GRK5: variants seen among roughly 807,000 people sequenced by gnomAD.
GRK5 encodes g protein-coupled receptor kinase GRK5.
In GRK5, 40 loss-of-function variants were observed where a neutral mutation model predicts 78.4. The ratio of observed to expected loss-of-function variants is 0.51; its 90% CI spans 0.40 to 0.66. The LOEUF is 0.66. Ranked by LOEUF, GRK5 falls within the 30% of genes least tolerant of loss-of-function variation. The pLI is 0.00. For missense variants in GRK5, 598 were observed against 759.9 expected (o/e 0.79, Z 2.50); for synonymous variants, 289 against 296.8 (o/e 0.97, Z 0.27).
At chr10:119,331,206 C>G (rs1011926133) in intron 2 of GRK5, among the ~76,000 whole-genome samples, 1 of 152,232 alleles carries the variant, frequency 6.6e-6, no homozygotes, top group African/African-American at 2.4e-5. Flanking sequence ...GCCCACTCCC[C>G]TGGGATGGTG....
At chr10:119,286,353 T>G (rs4752272) in intron 1 of GRK5, among the ~76,000 whole-genome samples, 151,761 of 152,384 alleles carry the variant, frequency 1, 75,573 homozygotes, top group Non-Finnish European at 1. Context: ...ACAAGTTGGC[T>G]CAAAATCTGC....
At chr10:119,339,271 C>T (rs1410350871) in intron 2 of GRK5, among the ~76,000 whole-genome samples, 1 of 152,200 alleles carries the variant, frequency 6.6e-6, no homozygotes, top group Non-Finnish European at 1.5e-5. Context: ...GACCTCAAGC[C>T]AACACAAGAG....
intron 2 of GRK5, among the ~76,000 whole-genome samples, chr10:119,347,987 C>T (rs1288981799): frequency 6.6e-6 from 1 of 152,180 alleles, no homozygotes; most frequent in African/African-American, 2.4e-5. Flanking sequence ...GCAGAGTGAC[C>T]TCCCATAAGT....
chr10:119,334,581 G>T (rs766945014), intron 2 of GRK5: 4 of 152,208 alleles, frequency 2.6e-5, no homozygotes, highest in Admixed American at 1.3e-4. Flanking sequence ...TCATCACGAA[G>T]ATAAAAGATT....
In GRK5 at chr10:119,453,291, C is replaced by A; in HGVS notation, c.1674+15C>A. 1 of 1,613,528 alleles carries A rather than the reference C, an allele frequency of 6.2e-7. No individual in the cohort carries two copies. The highest frequency in any genetic ancestry group is 8.5e-7 in the Non-Finnish European group (1 of 1,179,882). ...TCAAGCGGCAGGTGAGACACCCATG[C>A]CTGGCCAGTCCTGGCATCAGCTCCG... On this transcript the variant is annotated intron_variant, in intron 15 of 15. Transcript: ENST00000392870.
rs930795361 is a variant in GRK5, at chr10:119,457,179, T to C, written c.*2112T>C. ...TCAATGAAAAGAAGGACCATCATCC[T>C]AGGATGGTCACCAGCCCAAGCCACC... On this transcript the variant is annotated 3_prime_UTR_variant, in exon 16 of 16. Transcript: ENST00000392870. 1 of 152,150 alleles carries C rather than the reference T, an allele frequency of 6.6e-6. No homozygotes were observed. The highest frequency in any genetic ancestry group is 2.4e-5 in the African/African-American group (1 of 41,408). 9.4% of individuals were successfully genotyped at this position (152,150 alleles called of 1,614,324 possible).
intron 1 of GRK5, among the ~76,000 whole-genome samples, chr10:119,215,310 G>A (rs538293465): frequency 6.6e-6 from 1 of 152,256 alleles, no homozygotes; most frequent in South Asian, 2.1e-4. Flanking sequence ...AGCTCATCGG[G>A]ACAGAGCTTC....
intron 1 of GRK5, among the ~76,000 whole-genome samples, chr10:119,243,824 G>A (rs1248995167): frequency 6.6e-6 from 1 of 152,190 alleles, no homozygotes; most frequent in Non-Finnish European, 1.5e-5. Flanking sequence ...GTGTGAGCAC[G>A]AGGCACCCCT....
intron 2 of GRK5, among the ~76,000 whole-genome samples, chr10:119,369,078 G>A (rs1851501456): frequency 6.6e-6 from 1 of 152,174 alleles, no homozygotes; most frequent in Admixed American, 6.5e-5. Flanking sequence ...AGGTGGTGGG[G>A]ATAAAATGGT....
intron 10 of GRK5, among the ~76,000 whole-genome samples, 173 bp downstream of exon 10, chr10:119,439,941 C>G (rs1853000039): frequency 1.3e-5 from 2 of 152,156 alleles, no homozygotes; most frequent in African/African-American, 4.8e-5. Flanking sequence ...CAGAGCTCCG[C>G]TTGGTGAACA....
intron 1 of GRK5, among the ~76,000 whole-genome samples, chr10:119,256,674 A>G (rs928210999): frequency 6.8e-6 from 1 of 148,096 alleles, no homozygotes; most frequent in African/African-American, 2.5e-5. Context: ...TGAGGTCGTG[A>G]CTGTGTCTCT....
At chr10:119,396,209 G>T (rs1444086328) in intron 3 of GRK5, among the ~76,000 whole-genome samples, 11 of 152,246 alleles carry the variant, frequency 7.2e-5, no homozygotes, top group Admixed American at 7.2e-4. Context: ...TTATAGAAGG[G>T]TTAAGCAAAT....
chr10:119,311,342 G>C (rs1850356200), intron 1 of GRK5, among the ~76,000 whole-genome samples: 1 of 152,166 alleles, frequency 6.6e-6, no homozygotes, highest in African/African-American at 2.4e-5. Context: ...ACAGAGCCTG[G>C]CAGGAAGCAA....
intron 2 of GRK5, among the ~76,000 whole-genome samples, chr10:119,377,466 C>T (rs547624991): frequency 6.6e-6 from 1 of 152,306 alleles, no homozygotes; most frequent in South Asian, 2.1e-4. Flanking sequence ...TGTGTGCTTG[C>T]TCAGAAAATG....
At chr10:119,433,928 G>A (rs1852870158) in intron 8 of GRK5, among the ~76,000 whole-genome samples, 1 of 152,214 alleles carries the variant, frequency 6.6e-6, no homozygotes, top group Admixed American at 6.5e-5. Flanking sequence ...AAAAGAAAGA[G>A]GTTTGATGGA....
At chr10:119,426,010 C>T (rs11198919) in intron 6 of GRK5, among the ~76,000 whole-genome samples, 11,736 of 152,278 alleles carry the variant, frequency 0.077, 673 homozygotes, top group East Asian at 0.24. Context: ...CATGCCGGGC[C>T]GAGCTGGTAG....
chr10:119,408,208 C>T (rs552444917), intron 4 of GRK5, among the ~76,000 whole-genome samples: 61 of 148,370 alleles, frequency 4.1e-4, no homozygotes, highest in Non-Finnish European at 7.6e-4. Flanking sequence ...GGTATGGTGG[C>T]GCATGCCTGT....
intron 1 of GRK5, among the ~76,000 whole-genome samples, chr10:119,260,969 C>T (rs1359138080): frequency 2.0e-5 from 3 of 151,098 alleles, no homozygotes; most frequent in Middle Eastern, 3.5e-3. Context: ...TCCTCACTTC[C>T]CAGTAGGGGC....
intron 2 of GRK5, among the ~76,000 whole-genome samples, chr10:119,374,043 G>A (rs1851588490): frequency 6.6e-6 from 1 of 152,084 alleles, no homozygotes; most frequent in Non-Finnish European, 1.5e-5. Flanking sequence ...GGTGAGATGC[G>A]AGATCAGGAA....
Sources: gnomAD v4.1 joint callset for allele counts (sites outside exome capture counted in the v4.1 genomes callset) on GRCh38, gnomAD v4.1.1 for gene constraint, MANE v1.5 for transcripts, NCBI Gene and HGNC (gene_info 2026-07-23, HGNC 2026-07-21) for gene names.